The following FSHR variants were observed in gnomAD, a reference collection of about 807,000 sequenced individuals.
FSHR encodes the protein follicle stimulating hormone receptor, also known as follicle-stimulating hormone receptor.
Under a neutral mutation model 52.1 loss-of-function variants are expected in FSHR, and 46 were observed. The ratio of observed to expected loss-of-function variants is 0.88; its 90% CI spans 0.70 to 1.13. The LOEUF (loss-of-function observed/expected upper bound fraction) is 1.13, where lower values mean the gene tolerates loss of function less well. FSHR is among the 50% of genes most tolerant of loss of function. FSHR has a pLI of 0.00. For synonymous variants in FSHR, 399 were observed against 309.6 expected, an observed-to-expected ratio of 1.29 and a Z score of -3.03; for missense variants, 964 against 834.6, an observed-to-expected ratio of 1.16 and a Z score of -1.91.
chr2:49,033,845 CA>C (rs927050210), intron 2 of FSHR, among the ~76,000 whole-genome samples: 2 of 152,078 alleles, frequency 1.3e-5, no homozygotes, highest in African/African-American at 4.8e-5. Context: ...GAATACAGGG[CA>C]CAAAGGGGCA....
intron 2 of FSHR, among the ~76,000 whole-genome samples, chr2:49,020,967 A>G (rs1667675758): frequency 6.6e-6 from 1 of 152,182 alleles, no homozygotes; most frequent in South Asian, 2.1e-4. Flanking sequence ...GGAGAGCATT[A>G]GGAAAAATAG....
At chr2:48,980,708 G>A (rs1034473336) in intron 8 of FSHR, among the ~76,000 whole-genome samples, 2 of 152,132 alleles carry the variant, frequency 1.3e-5, no homozygotes, top group Non-Finnish European at 2.9e-5. Context: ...AACATGGTAT[G>A]GTGGGAATAC....
intron 1 of FSHR, among the ~76,000 whole-genome samples, chr2:49,094,970 C>A (rs959030389): frequency 6.6e-6 from 1 of 151,862 alleles, no homozygotes; most frequent in African/African-American, 2.4e-5. Context: ...GGGATATTAT[C>A]CCTTATAGAA....
chr2:49,010,145 T>G (rs868543222), intron 4 of FSHR, among the ~76,000 whole-genome samples: 2,341 of 78,672 alleles, frequency 0.03, 177 homozygotes, highest in African/African-American at 0.073. Context: ...GCCCATTCAG[T>G]ATGATATTGG....
intron 8 of FSHR, among the ~76,000 whole-genome samples, chr2:48,981,389 A>T (rs1675241064): frequency 6.6e-6 from 1 of 151,942 alleles, no homozygotes; most frequent in Non-Finnish European, 1.5e-5. Context: ...AAAAATATTT[A>T]TGTGTGTGTG....
At chr2:48,990,476 A>G (rs773478237) in intron 5 of FSHR, 90 bp downstream of exon 5, 53 of 859,878 alleles carry the variant, frequency 6.2e-5, no homozygotes, top group Non-Finnish European at 9.7e-5. Context: ...GAGGATGTAG[A>G]CTACACAATG....
At position 48,963,819 on chromosome 2, in the gene FSHR, G is replaced by A. The variant is rs151298152; in HGVS notation, c.1002C>T (p.Asp334=). 11 of 1,614,036 alleles carry A rather than the reference G, an allele frequency of 6.8e-6. No homozygotes were observed. The African/African-American group carries it at 1.3e-4, about 20-fold the overall frequency. ...RGFDMTYTEF[D]YDLCNEVVDV... ...CAACCACTTCATTGCATAAGTCATA[G>A]TCAAACTCAGTGTACGTCATGTCAA... Residue 334 remains aspartate, a synonymous_variant, in exon 10 of 10, where the codon GAC becomes GAT. Coordinates refer to ENST00000406846, the MANE Select transcript of FSHR (RefSeq NM_000145.4).
At chr2:49,026,540 C>T (rs555540033) in intron 2 of FSHR, among the ~76,000 whole-genome samples, 10 of 152,290 alleles carry the variant, frequency 6.6e-5, no homozygotes, top group Admixed American at 4.6e-4. Flanking sequence ...TTCCAAGCAG[C>T]AACTCATATA....
intron 8 of FSHR, among the ~76,000 whole-genome samples, chr2:48,974,864 C>A (rs1437994383): frequency 6.6e-6 from 1 of 152,140 alleles, no homozygotes; most frequent in Non-Finnish European, 1.5e-5. Context: ...TACACACACA[C>A]TCATACACAC....
chr2:49,076,637 T>C (rs1213982608), intron 1 of FSHR, among the ~76,000 whole-genome samples: 1 of 152,072 alleles, frequency 6.6e-6, no homozygotes, highest in Admixed American at 6.5e-5. Flanking sequence ...CAATATTAAC[T>C]CAAAAATCCA....
intron 6 of FSHR, among the ~76,000 whole-genome samples, chr2:48,988,773 C>T (rs1453118869): frequency 3.3e-5 from 5 of 152,202 alleles, no homozygotes. Flanking sequence ...ACTTGAATCA[C>T]ACCCCAGAAT....
chr2:49,100,510 A>T (rs929090904), intron 1 of FSHR, among the ~76,000 whole-genome samples: 1 of 152,188 alleles, frequency 6.6e-6, no homozygotes, highest in Non-Finnish European at 1.5e-5. Flanking sequence ...GAAAAAAGGA[A>T]AGTCTCAAGA....
chr2:49,140,811 A>C (rs1455843645), intron 1 of FSHR, among the ~76,000 whole-genome samples: 3 of 152,046 alleles, frequency 2.0e-5, no homozygotes, highest in African/African-American at 7.2e-5. Context: ...CCTGAACTCT[A>C]TGGGATTTTT....
chr2:48,966,763 A>T (rs930952482), intron 9 of FSHR, among the ~76,000 whole-genome samples: 1 of 152,214 alleles, frequency 6.6e-6, no homozygotes, highest in African/African-American at 2.4e-5. Flanking sequence ...ACCCATTGCT[A>T]AAAATAAAAA....
chr2:48,965,412 A>T (rs1674428756), intron 9 of FSHR, among the ~76,000 whole-genome samples: 2 of 152,144 alleles, frequency 1.3e-5, no homozygotes, highest in Admixed American at 1.3e-4. Context: ...ACATACACAG[A>T]ATTGAAAGTG....
chr2:49,115,115 C>G (rs1210247475), intron 1 of FSHR, among the ~76,000 whole-genome samples: 3 of 147,988 alleles, frequency 2.0e-5, no homozygotes, highest in Admixed American at 6.9e-5. Flanking sequence ...GTGGAGAAAA[C>G]CTGGCATACA....
chr2:49,004,904 C>T (rs1311893616), intron 4 of FSHR, among the ~76,000 whole-genome samples: 4 of 151,950 alleles, frequency 2.6e-5, no homozygotes, highest in South Asian at 2.1e-4. Context: ...AAAATTGCAC[C>T]GAATCTGCAA....
At chr2:48,972,032 C>G (rs1483851303) in intron 8 of FSHR, among the ~76,000 whole-genome samples, 1 of 152,160 alleles carries the variant, frequency 6.6e-6, no homozygotes, top group East Asian at 1.9e-4. Context: ...TTCTGGGTTG[C>G]TTCTTTTTCT....
intron 1 of FSHR, among the ~76,000 whole-genome samples, chr2:49,084,237 G>A (rs1318412274): frequency 3.4e-5 from 3 of 89,376 alleles, no homozygotes; most frequent in South Asian, 3.9e-4. Context: ...ACCTGCCCCT[G>A]AATGACTACT....
Sources: gnomAD v4.1 joint callset for allele counts (sites outside exome capture counted in the v4.1 genomes callset) on GRCh38, gnomAD v4.1.1 for gene constraint, MANE v1.5 for transcripts, NCBI Gene and HGNC (gene_info 2026-07-23, HGNC 2026-07-21) for gene names.